MESD: variants seen among roughly 807,000 people sequenced by gnomAD.
The protein encoded by MESD is LRP chaperone MESD.
Under a neutral mutation model 12.9 loss-of-function variants are expected in MESD, and 7 were observed. The ratio of observed to expected loss-of-function variants is 0.54; its 90% CI spans 0.31 to 1.02. The LOEUF (loss-of-function observed/expected upper bound fraction) is 1.02, where lower values mean the gene tolerates loss of function less well. Among genes scored for constraint, MESD ranks in the 50% least tolerant of loss-of-function variants. The probability of loss-of-function intolerance (pLI) is 0.05; values close to 1 mark genes in which losing one functional copy is unlikely to be tolerated. For missense variants in MESD, 342 were observed against 296.7 expected (o/e 1.15, Z -1.12); for synonymous variants, 126 against 115.6 (o/e 1.09, Z -0.58).
At chr15:80,969,629 C>T (rs555403873) in intron 3 of MESD, among the ~76,000 whole-genome samples, 3 of 152,170 alleles carry the variant, frequency 2.0e-5, no homozygotes, top group African/African-American at 4.8e-5. Flanking sequence ...TCGAGGCAGG[C>T]GGATCAGTTG....
chr15:80,979,268 C>G lies in MESD; in HGVS notation c.656G>C (p.Arg219Pro). ...AGCTCGATTTTCTTCCTTGGAAGACCGAGATTTCAGATCTCCTTCCTTCTT... is the reference window on the plus strand; with the variant it reads ...AGCTCGATTTTCTTCCTTGGAAGACGGAGATTTCAGATCTCCTTCCTTCTT... Reference protein sequence around the residue: ...KKKKEGDLKSRSSKEENRAGN... With the variant: ...KKKKEGDLKSPSSKEENRAGN... Residue 219 changes from arginine (R) to proline (P), a missense_variant, in exon 3 of 3, where the codon CGG (arginine) becomes CCG (proline). By Grantham distance (103) the Arg-to-Pro change is moderately radical. Coordinates refer to ENST00000261758, the MANE Select transcript of MESD (RefSeq NM_015154.3). 1 of 1,613,970 alleles carries G rather than the reference C, an allele frequency of 6.2e-7. No individual in the cohort carries two copies.
intron 2 of MESD, among the ~76,000 whole-genome samples, chr15:80,981,436 C>CAAAAA (rs58445538): frequency 3.5e-4 from 17 of 48,222 alleles, no homozygotes; most frequent in South Asian, 8.3e-4. Flanking sequence ...GACTCCGTCT[C>CAAAAA]AAAAAAAAAA....
At chr15:80,952,101 A>C (rs1901852377) in exon 4 of MESD, 1 of 444,406 alleles carries the variant, frequency 2.3e-6, no homozygotes, top group Non-Finnish European at 4.5e-6. Context: ...TGTCACTTCA[A>C]CTCCCCTCCC....
chr15:80,979,752 A>G (rs1348753533), intron 2 of MESD, among the ~76,000 whole-genome samples: 3 of 152,206 alleles, frequency 2.0e-5, no homozygotes, highest in Non-Finnish European at 4.4e-5. Flanking sequence ...GAACATTTGG[A>G]AAACCTCCCT....
Position 80,989,561 on chromosome 15 carries a change from T to A in MESD, c.213+18A>T, listed in dbSNP as rs977002681. 29 of 1,608,962 alleles carry A rather than the reference T, an allele frequency of 1.8e-5. No homozygotes were observed. Among genetic ancestry groups the A allele is most frequent in the Non-Finnish European group, 2.4e-5 (28 of 1,177,252 alleles). ...CCCGCACAGAGAAGAGCCGGGAGGG[T>A]GTGCGCGCGCCGCGGACCTCCCATT... On this transcript the variant is annotated intron_variant, in intron 1 of 2. Coordinates refer to ENST00000261758, the MANE Select transcript of MESD (RefSeq NM_015154.3).
At chr15:80,949,358 TGTA>T in intron 4 of MESD, 1 of 295,270 alleles carries the variant, frequency 3.4e-6, no homozygotes, top group East Asian at 8.3e-5. Context: ...GGGTGGTAAA[TGTA>T]GGAGAAAGAG....
chr15:80,952,251 C>A, exon 4 of MESD: 1 of 456,134 alleles, frequency 2.2e-6, no homozygotes, highest in Non-Finnish European at 4.4e-6. Context: ...GAGAGGCAGG[C>A]ACAGGTAGAG....
In MESD at chr15:80,975,937, T is replaced by C. The variant is rs1902402165; in HGVS notation, c.*3282A>G. ...GAGCCGTGATCCTACTGCACTCTAG[T>C]GAGGGCAACAGAGTGAGACCCTGTC... is the stretch of plus-strand genomic sequence containing the variant. On this transcript the variant is annotated 3_prime_UTR_variant, in exon 3 of 3. Transcript: ENST00000261758. 1 of 152,194 alleles carries C rather than the reference T, an allele frequency of 6.6e-6. No individual in the cohort carries two copies. Among genetic ancestry groups the C allele is most frequent in the African/African-American group, 2.4e-5 (1 of 41,438 alleles). 9.4% of individuals were successfully genotyped at this position (152,194 alleles called of 1,614,324 possible). A position where few individuals can be genotyped will look rare whatever the true frequency, so the allele number is the denominator to read the frequency against.
chr15:80,973,615 G>A (rs1454787419), downstream of MESD, among the ~76,000 whole-genome samples: 1 of 152,096 alleles, frequency 6.6e-6, no homozygotes, highest in African/African-American at 2.4e-5. Flanking sequence ...TAAGCACAAG[G>A]ACATAAATAC....
intron 2 of MESD, among the ~76,000 whole-genome samples, chr15:80,981,632 C>G (rs996715897): frequency 3.3e-5 from 5 of 151,592 alleles, no homozygotes; most frequent in Non-Finnish European, 5.9e-5. Context: ...GAGGCGGGTG[C>G]ATCACCTGAA....
chr15:80,964,178 A>C (rs1198274789), intron 3 of MESD, among the ~76,000 whole-genome samples: 1 of 152,144 alleles, frequency 6.6e-6, no homozygotes, highest in East Asian at 1.9e-4. Context: ...TTCCTATACA[A>C]CAGGAACACA....
rs1396706014 is a variant in MESD, at chr15:80,978,956, C to A, written c.*263G>T. 3.9e-6 allele frequency: 2 copies of A among 510,248 alleles called. No homozygotes were observed. Among genetic ancestry groups the A allele is most frequent in the African/African-American group, 1.9e-5 (1 of 52,262 alleles). The allele number at this position is 510,248 out of a possible 1,614,324, so 31.6% of individuals were successfully genotyped here. A position where few individuals can be genotyped will look rare whatever the true frequency, so the allele number is the denominator to read the frequency against. Reference sequence around the variant, plus strand: ...CAAGTGTAAATGGGAAAAAGCAACACAGTCACATTTCCATGTAAGGAGATT... The same window carrying A: ...CAAGTGTAAATGGGAAAAAGCAACAAAGTCACATTTCCATGTAAGGAGATT... On this transcript the variant is annotated 3_prime_UTR_variant, in exon 3 of 3. Transcript: ENST00000261758.
chr15:80,971,440 T>C (rs1324879487), downstream of MESD, among the ~76,000 whole-genome samples: 4 of 152,184 alleles, frequency 2.6e-5, no homozygotes, highest in East Asian at 7.7e-4. Context: ...AGCCCAGCGT[T>C]AGCAACAATC....
At chr15:80,966,813 C>T (rs1382305631) in intron 3 of MESD, among the ~76,000 whole-genome samples, 1 of 152,198 alleles carries the variant, frequency 6.6e-6, no homozygotes, top group Non-Finnish European at 1.5e-5. Context: ...CTCTCTGCTC[C>T]ACAACCTTTG....
At chr15:80,949,616 T>A (rs1901730517) in intron 4 of MESD, 1 of 160,636 alleles carries the variant, frequency 6.2e-6, no homozygotes. Flanking sequence ...AGTTCATGGA[T>A]ATCCACTGAT....
In MESD at chr15:80,987,206, C is replaced by G. The variant is rs144584804; in HGVS notation, c.213+2373G>C. 1.3e-3 allele frequency among the ~76,000 whole-genome samples: 197 copies of G among 152,280 alleles called. 1 individual carries two copies. Among genetic ancestry groups the G allele is most frequent in the African/African-American group, 4.4e-3 (184 of 41,552 alleles). On this transcript the variant is annotated intron_variant, in intron 1 of 2. Coordinates refer to ENST00000261758, the MANE Select transcript of MESD (RefSeq NM_015154.3). Reference sequence around the variant, plus strand: ...TGAGGCACAGCCTCTCACTGAAGCACTGTTTCTCACACTGCTGGGGAAGGA... The same window carrying G: ...TGAGGCACAGCCTCTCACTGAAGCAGTGTTTCTCACACTGCTGGGGAAGGA...
downstream of MESD, among the ~76,000 whole-genome samples, chr15:80,974,737 G>A (rs796323781): frequency 4.8e-4 from 59 of 122,220 alleles, 1 homozygote; most frequent in African/African-American, 1.4e-3. Flanking sequence ...GAAGGATTAA[G>A]AAAAAAGATT....
chr15:80,966,109 A>G (rs1902170780), intron 3 of MESD, among the ~76,000 whole-genome samples: 1 of 152,240 alleles, frequency 6.6e-6, no homozygotes, highest in Non-Finnish European at 1.5e-5. Context: ...TACATTTAAG[A>G]TATTTCCATG....
chr15:80,973,392 C>G (rs900399156), downstream of MESD, among the ~76,000 whole-genome samples: 2 of 151,882 alleles, frequency 1.3e-5, no homozygotes, highest in South Asian at 4.2e-4. Context: ...CACAAAAATT[C>G]GCCGGGTGTA....
Sources: allele counts gnomAD v4.1 joint callset (sites outside exome capture counted in the v4.1 genomes callset), GRCh38; gene constraint gnomAD v4.1.1; transcripts MANE v1.5; gene names NCBI Gene and HGNC (gene_info 2026-07-23, HGNC 2026-07-21).